The following CPSF2 variants were observed in gnomAD, a reference collection of about 807,000 sequenced individuals.
CPSF2 encodes cleavage and polyadenylation specific factor 2.
A neutral mutation model predicts 84.2 loss-of-function variants in CPSF2; 51 were observed. The observed-to-expected ratio is 0.61, with a 90% confidence interval of 0.48 to 0.77. CPSF2 has a LOEUF of 0.77. Among genes scored for constraint, CPSF2 ranks in the 30% least tolerant of loss-of-function variants. CPSF2 has a pLI of 0.00. For synonymous variants in CPSF2, 286 were observed against 311.9 expected (o/e 0.92, Z 0.87); for missense variants, 641 against 929.4 (o/e 0.69, Z 4.03).
intron 7 of CPSF2, among the ~76,000 whole-genome samples, chr14:92,141,099 A>G (rs1342561573): frequency 3.3e-5 from 5 of 152,188 alleles, no homozygotes; most frequent in African/African-American, 1.2e-4. Context: ...CATACAAACT[A>G]TGTATCATAC....
At position 92,161,855 on chromosome 14, in the gene CPSF2, A is replaced by G; in HGVS notation, c.*111A>G. ...GTAACATACAAAAAGAATCTGCCAG[A>G]AAAACTTACATGTATCAGATTTTTA... On this transcript the variant is annotated 3_prime_UTR_variant, in exon 16 of 16. Transcript: ENST00000298875. 1 of 625,434 alleles carries G rather than the reference A, an allele frequency of 1.6e-6. No homozygotes were observed. Among genetic ancestry groups the G allele is most frequent in the Non-Finnish European group, 2.7e-6 (1 of 370,544 alleles). The allele number at this position is 625,434 out of a possible 1,614,324, so 38.7% of individuals were successfully genotyped here.
intron 7 of CPSF2, among the ~76,000 whole-genome samples, chr14:92,140,600 T>C (rs1261581359): frequency 6.6e-6 from 1 of 150,772 alleles, no homozygotes; most frequent in Non-Finnish European, 1.5e-5. Flanking sequence ...GCCCGGCTAA[T>C]TTTTTGTATT....
At chr14:92,133,221 A>G (rs2068956364) in intron 3 of CPSF2, among the ~76,000 whole-genome samples, 2 of 152,074 alleles carry the variant, frequency 1.3e-5, no homozygotes, top group Non-Finnish European at 2.9e-5. Flanking sequence ...GGAGTTCGAG[A>G]CCACCCTAAC....
At chr14:92,141,995 A>C (rs942797114) in intron 7 of CPSF2, among the ~76,000 whole-genome samples, 169 bp from the exon 8 acceptor site, 1 of 152,256 alleles carries the variant, frequency 6.6e-6, no homozygotes, top group Middle Eastern at 3.2e-3. Flanking sequence ...AACAGAATCA[A>C]AAGCAGTTGT....
At position 92,161,924 on chromosome 14, in the gene CPSF2, T is replaced by A; in HGVS notation, c.*180T>A. 1 of 482,382 alleles carries A rather than the reference T, an allele frequency of 2.1e-6. No homozygotes were observed. Among genetic ancestry groups the A allele is most frequent in the Non-Finnish European group, 3.6e-6 (1 of 278,654 alleles). 29.9% of individuals were successfully genotyped at this position (482,382 alleles called of 1,614,324 possible). A position where few individuals can be genotyped will look rare whatever the true frequency, so the allele number is the denominator to read the frequency against. ...ATTTTGCAAATGCTCAAATGAGCAT[T>A]CTATCTTTTGGCTTTCAGAGTGATA... On this transcript the variant is annotated 3_prime_UTR_variant, in exon 16 of 16. Transcript: ENST00000298875.
intron 7 of CPSF2, among the ~76,000 whole-genome samples, chr14:92,141,683 C>T (rs912983976): frequency 3.3e-5 from 5 of 151,948 alleles, no homozygotes; most frequent in East Asian, 1.9e-4. Context: ...GTGGGAGTCC[C>T]GGGGCCAGTA....
intron 6 of CPSF2, among the ~76,000 whole-genome samples, 177 bp from the exon 7 acceptor site, chr14:92,138,055 A>G (rs2069023534): frequency 6.6e-6 from 1 of 152,102 alleles, no homozygotes; most frequent in Non-Finnish European, 1.5e-5. Flanking sequence ...GAAGATTTTT[A>G]TTTTCTTCTT....
chr14:92,147,681 G>A (rs1197277301), intron 9 of CPSF2, among the ~76,000 whole-genome samples: 2 of 152,160 alleles, frequency 1.3e-5, no homozygotes, highest in Non-Finnish European at 2.9e-5. Flanking sequence ...TTAGGCAAAT[G>A]TGAGATGCCA....
At chr14:92,161,593 A>G in intron 15 of CPSF2, 59 bp from the exon 16 acceptor site, 1 of 1,194,268 alleles carries the variant, frequency 8.4e-7, no homozygotes, top group South Asian at 1.4e-5. Context: ...TTCGGTTATT[A>G]TGTCTGCATA....
intron 9 of CPSF2, 41 bp from the exon 10 acceptor site, chr14:92,154,317 T>C: frequency 7.0e-7 from 1 of 1,431,354 alleles, no homozygotes; most frequent in Non-Finnish European, 9.6e-7. Context: ...CCCCTAATAT[T>C]AACATATTAA....
At chr14:92,132,819 G>A (rs978139832) in intron 3 of CPSF2, among the ~76,000 whole-genome samples, 2 of 147,074 alleles carry the variant, frequency 1.4e-5, no homozygotes, top group African/African-American at 2.5e-5. Flanking sequence ...GGCTGGGTGC[G>A]GTGGCTCATG....
chr14:92,130,431 A>G (rs1435277292), intron 2 of CPSF2, among the ~76,000 whole-genome samples: 1 of 152,254 alleles, frequency 6.6e-6, no homozygotes, highest in Admixed American at 6.5e-5. Context: ...TCACAAAGCA[A>G]GATAAAAGAG....
intron 3 of CPSF2, among the ~76,000 whole-genome samples, chr14:92,131,940 GA>G (rs939662325): frequency 1.1e-4 from 16 of 151,914 alleles, no homozygotes; most frequent in Middle Eastern, 6.8e-3. Context: ...TAGAACTTGA[GA>G]AAAAAAATCC....
In CPSF2 at chr14:92,168,164, C is replaced by T. The variant is rs1203831162; in HGVS notation, c.*6420C>T. The T allele has an allele frequency of 6.7e-6, 1 of 149,312 alleles. No homozygotes were observed. Among genetic ancestry groups the T allele is most frequent in the African/African-American group, 2.5e-5 (1 of 40,400 alleles). 9.2% of individuals were successfully genotyped at this position (149,312 alleles called of 1,614,324 possible). A position where few individuals can be genotyped will look rare whatever the true frequency, so the allele number is the denominator to read the frequency against. On this transcript the variant is annotated 3_prime_UTR_variant, in exon 16 of 16. Transcript: ENST00000298875. Reference sequence around the variant, plus strand: ...TTGGGAGGCTGAGGCAGTAGAATCGCTTGAACCCGGGATGCGGAAGTTGCA... The same window carrying T: ...TTGGGAGGCTGAGGCAGTAGAATCGTTTGAACCCGGGATGCGGAAGTTGCA...
At position 92,168,496 on chromosome 14, in the gene CPSF2, C is replaced by T. The variant is rs2141493804; in HGVS notation, c.*6752C>T. Reference sequence around the variant, plus strand: ...CTCCCCACCACTATACGCACATGCACACACAGCTCTATTTTTTGGTGCTTT... The same window carrying T: ...CTCCCCACCACTATACGCACATGCATACACAGCTCTATTTTTTGGTGCTTT... On this transcript the variant is annotated 3_prime_UTR_variant, in exon 16 of 16. Transcript: ENST00000298875. 6.6e-6 allele frequency: 1 copy of T among 152,292 alleles called. No individual in the cohort carries two copies. The highest frequency in any genetic ancestry group is 2.1e-4 in the South Asian group (1 of 4,830). 9.4% of individuals were successfully genotyped at this position (152,292 alleles called of 1,614,324 possible). A position where few individuals can be genotyped will look rare whatever the true frequency, so the allele number is the denominator to read the frequency against.
chr14:92,129,547 G>A (rs2068888295), intron 2 of CPSF2, among the ~76,000 whole-genome samples: 1 of 151,980 alleles, frequency 6.6e-6, no homozygotes, highest in Non-Finnish European at 1.5e-5. Flanking sequence ...GTAACTCGGT[G>A]GCCTTCTCTC....
At chr14:92,158,235 G>A (rs1310480986) in intron 13 of CPSF2, among the ~76,000 whole-genome samples, 1 of 152,048 alleles carries the variant, frequency 6.6e-6, no homozygotes, top group East Asian at 1.9e-4. Context: ...CTAGGCAGAG[G>A]GAACCATATT....
intron 14 of CPSF2, among the ~76,000 whole-genome samples, chr14:92,160,616 G>T (rs548788058): frequency 2.0e-5 from 3 of 152,202 alleles, no homozygotes; most frequent in Non-Finnish European, 1.5e-5. Flanking sequence ...AAAGCAGAAA[G>T]CAGCAGCATT....
chr14:92,139,468 A>C (rs1442914137), intron 7 of CPSF2, among the ~76,000 whole-genome samples: 1 of 151,938 alleles, frequency 6.6e-6, no homozygotes, highest in Non-Finnish European at 1.5e-5. Context: ...TGAGGCTGTA[A>C]ATATTCCACT....
Sources: gnomAD v4.1 joint callset for allele counts (sites outside exome capture counted in the v4.1 genomes callset) on GRCh38, gnomAD v4.1.1 for gene constraint, MANE v1.5 for transcripts, NCBI Gene and HGNC (gene_info 2026-07-23, HGNC 2026-07-21) for gene names.